SP100: variants seen among roughly 807,000 people sequenced by gnomAD.
The protein encoded by SP100 is nuclear autoantigen Sp-100.
A neutral mutation model predicts 130.0 loss-of-function variants in SP100; 84 were observed. That is an observed-to-expected ratio of 0.65 (90% CI 0.54 to 0.77). The LOEUF is 0.77. SP100 is among the 30% of genes least tolerant of loss of function. The pLI is 0.00. For synonymous variants in SP100, 331 were observed against 351.7 expected (o/e 0.94, Z 0.66); for missense variants, 978 against 1,052.2 (o/e 0.93, Z 0.97).
At chr2:230,462,873 G>T (rs1265102402) in intron 10 of SP100, among the ~76,000 whole-genome samples, 1 of 152,126 alleles carries the variant, frequency 6.6e-6, no homozygotes, top group Admixed American at 6.6e-5. Flanking sequence ...TTTTTATAGA[G>T]AACAGAAAAC....
At chr2:230,541,068 G>A in intron 26 of SP100, 72 bp downstream of exon 26, 1 of 1,543,436 alleles carries the variant, frequency 6.5e-7, no homozygotes, top group Non-Finnish European at 8.8e-7. Flanking sequence ...GTCTTACAAA[G>A]TGCTCAAGGA....
intron 19 of SP100, 88 bp from the exon 20 acceptor site, chr2:230,502,978 C>A: frequency 9.7e-7 from 1 of 1,028,278 alleles, no homozygotes; most frequent in South Asian, 1.5e-5. Flanking sequence ...AGACAGGATC[C>A]TGAAAAGTTG....
rs201037774 is a variant in SP100 at position 230,462,447 on chromosome 2, A to G, written c.986A>G (p.Glu329Gly). Residue 329 changes from glutamate to glycine, a missense_variant, in exon 10 of 29, where the codon GAG becomes GGG. By Grantham distance (98) the Glu-to-Gly change is moderately conservative. Coordinates refer to ENST00000340126, the MANE Select transcript of SP100 (RefSeq NM_001080391.2). Reference sequence around the variant, plus strand: ...CTCCTTTGTGCAGTCATCAGCAGTGAGGACTCTGAAGGATCCACTGACGTT... The same window carrying G: ...CTCCTTTGTGCAGTCATCAGCAGTGGGGACTCTGAAGGATCCACTGACGTT... ...QASDIIVISSEDSEGSTDVDE... is the reference protein window; with the variant it reads ...QASDIIVISSGDSEGSTDVDE... 49 of 1,613,630 alleles carry G rather than the reference A, an allele frequency of 3.0e-5. No individual in the cohort carries two copies. The highest frequency in any genetic ancestry group is 3.0e-4 in the Admixed American group (18 of 60,002).
Position 230,464,169 on chromosome 2 carries a change from C to G in SP100, c.1141+19C>G. On this transcript the variant is annotated intron_variant, in intron 11 of 28. Coordinates refer to ENST00000340126, the MANE Select transcript of SP100 (RefSeq NM_001080391.2). ...GTACCAGGTAAGAATATTAGAGTTG[C>G]AACCCGAGACTGTAGAATATCCAGA... 7.1e-6 allele frequency: 10 copies of G among 1,414,974 alleles called. No homozygotes were observed. The highest frequency in any genetic ancestry group is 1.0e-5 in the Non-Finnish European group (10 of 998,696). The allele number at this position is 1,414,974 out of a possible 1,614,324, so 87.7% of individuals were successfully genotyped here.
chr2:230,444,485 C>A, intron 4 of SP100, 139 bp downstream of exon 4: 1 of 665,128 alleles, frequency 1.5e-6, no homozygotes, highest in Non-Finnish European at 2.6e-6. Flanking sequence ...TGCCATGAGT[C>A]TTCTCTTAGC....
chr2:230,528,668 G>T (rs949598150), intron 24 of SP100, among the ~76,000 whole-genome samples: 2 of 152,052 alleles, frequency 1.3e-5, no homozygotes, highest in East Asian at 3.9e-4. Flanking sequence ...CAACAAAATA[G>T]ATAGACCACT....
intron 2 of SP100, among the ~76,000 whole-genome samples, chr2:230,437,303 T>C (rs1218171976): frequency 6.6e-6 from 1 of 152,176 alleles, no homozygotes; most frequent in Non-Finnish European, 1.5e-5. Context: ...AATCTCATTG[T>C]CATTGGTTTT....
intron 17 of SP100, 62 bp downstream of exon 17, chr2:230,474,509 A>AG (rs892753759): frequency 7.4e-6 from 6 of 807,730 alleles, no homozygotes; most frequent in Non-Finnish European, 1.3e-5. Flanking sequence ...TTTAATGCTA[A>AG]GGTTTATTAT....
chr2:230,486,256 GGTTT>G (rs1345565085), intron 17 of SP100, among the ~76,000 whole-genome samples: 2 of 152,014 alleles, frequency 1.3e-5, no homozygotes, highest in East Asian at 1.9e-4. Context: ...AGAATGTGCA[GGTTT>G]GTTACATAGG....
At chr2:230,427,065 A>G (rs1397956755) in intron 2 of SP100, among the ~76,000 whole-genome samples, 3 of 151,500 alleles carry the variant, frequency 2.0e-5, no homozygotes, top group Admixed American at 2.0e-4. Flanking sequence ...AAATATAGTC[A>G]CCTCTGCTGT....
At chr2:230,487,408 A>G (rs1009947733) in intron 17 of SP100, among the ~76,000 whole-genome samples, 10 of 152,124 alleles carry the variant, frequency 6.6e-5, no homozygotes, top group Non-Finnish European at 1.2e-4. Context: ...AGTTTTCCCA[A>G]CACCATTTAT....
chr2:230,499,258 T>G, intron 19 of SP100, among the ~76,000 whole-genome samples: 1 of 151,550 alleles, frequency 6.6e-6, no homozygotes, highest in Non-Finnish European at 1.5e-5. Flanking sequence ...GCCTCCTCCC[T>G]GTACAACTTG....
chr2:230,540,988 G>A lies in SP100; in HGVS notation c.2323G>A (p.Glu775Lys). ...CCTGATGAGGCAGATGCTGCCTGAG[G>A]AGCAGTTGGTGAGTAAAAATGTGAA... ...EVLMRQMLPE[E>K]QLKCEFLLLK... is the part of the protein sequence containing the mutation. The change falls in exon 26 of 29, where the codon GAG (glutamate) becomes AAG (lysine). Residue 775 changes from glutamate to lysine, a missense_variant. Coordinates refer to ENST00000340126, the MANE Select transcript of SP100 (RefSeq NM_001080391.2). 1.2e-6 allele frequency: 2 copies of A among 1,611,470 alleles called. No individual in the cohort carries two copies. The highest frequency in any genetic ancestry group is 1.7e-6 in the Non-Finnish European group (2 of 1,178,312).
intron 2 of SP100, among the ~76,000 whole-genome samples, chr2:230,438,024 A>C (rs914188706): frequency 6.6e-6 from 1 of 152,106 alleles, no homozygotes; most frequent in African/African-American, 2.4e-5. Context: ...TTGAATTTTG[A>C]TTTGACATTA....
Position 230,541,884 on chromosome 2 carries a change from C to T in SP100, c.2404-8C>T. On this transcript the variant is annotated splice_polypyrimidine_tract_variant and splice_region_variant and intron_variant, in intron 27 of 28. Transcript: ENST00000340126. Reference sequence around the variant, plus strand: ...CTGATAGCCTCATTTTGGTCTTTTACTCAACAGAACAGAGAGGGGTCTCAG... The same window carrying T: ...CTGATAGCCTCATTTTGGTCTTTTATTCAACAGAACAGAGAGGGGTCTCAG... 1 of 1,611,732 alleles carries T rather than the reference C, an allele frequency of 6.2e-7. No homozygotes were observed. The highest frequency in any genetic ancestry group is 1.1e-5 in the South Asian group (1 of 90,638).
rs2063876556 is a variant in SP100, at chr2:230,449,720, A to AC, written c.736+11dup. 6.2e-7 allele frequency: 1 copy of AC among 1,613,890 alleles called. No individual in the cohort carries two copies. The highest frequency in any genetic ancestry group is 8.5e-7 in the Non-Finnish European group (1 of 1,179,936). ...AAGGCTGAGCCAACAGGTAAGACTG[A>AC]CTGGGTTGGCATGAATGGGGAGGAG... is the stretch of plus-strand genomic sequence containing the variant. On this transcript the variant is annotated intron_variant, in intron 7 of 28. Transcript: ENST00000340126.
chr2:230,521,262 G>GC lies in SP100; in HGVS notation c.2094+10102dup, dbSNP rs1483666083. On this transcript the variant is annotated intron_variant, in intron 24 of 28. Transcript: ENST00000340126. ...TCTTTTGAACAAATGTGAAACTTGA[G>GC]CCCCCCAGTTTTGAAATCTCAGAAA... is the stretch of plus-strand genomic sequence containing the variant. Among the ~76,000 whole-genome samples the GC allele has an allele frequency of 6.6e-5, 10 of 152,136 alleles. No individual in the cohort carries two copies. In the East Asian group the frequency reaches 1.9e-3, roughly 29 times the overall value.
At chr2:230,542,539 A>G (rs1298201881) in intron 28 of SP100, among the ~76,000 whole-genome samples, 7 of 152,246 alleles carry the variant, frequency 4.6e-5, no homozygotes, top group Non-Finnish European at 8.8e-5. Flanking sequence ...ACATTTCTGT[A>G]CTATCATAAG....
chr2:230,430,683 G>A (rs551215810), intron 2 of SP100, among the ~76,000 whole-genome samples: 2 of 152,366 alleles, frequency 1.3e-5, no homozygotes, highest in African/African-American at 4.8e-5. Context: ...TCTACATTTG[G>A]ACAGGGTGAC....
Sources: allele counts gnomAD v4.1 joint callset (sites outside exome capture counted in the v4.1 genomes callset), GRCh38; gene constraint gnomAD v4.1.1; transcripts MANE v1.5; gene names NCBI Gene and HGNC (gene_info 2026-07-23, HGNC 2026-07-21).